The following DLC1 variants were observed in gnomAD, a reference collection of about 807,000 sequenced individuals.
DLC1 encodes the protein DLC1 Rho GTPase activating protein, also known as rho GTPase-activating protein 7.
In DLC1, 54 loss-of-function variants were observed where a neutral mutation model predicts 140.3. The observed-to-expected ratio is 0.38, with a 90% confidence interval of 0.31 to 0.48. The LOEUF (loss-of-function observed/expected upper bound fraction) is 0.48. Among genes scored for constraint, DLC1 ranks in the 20% least tolerant of loss-of-function variants. The pLI is 0.96. For synonymous variants in DLC1, 986 were observed against 728.1 expected, an observed-to-expected ratio of 1.35 and a Z score of -5.70; for missense variants, 2,536 against 1,907.0, an observed-to-expected ratio of 1.33 and a Z score of -6.14.
At chr8:13,105,700 C>T (rs1454142437) in intron 7 of DLC1, among the ~76,000 whole-genome samples, 3 of 151,718 alleles carry the variant, frequency 2.0e-5, no homozygotes, top group Non-Finnish European at 2.9e-5. Context: ...GCCTCAGCCT[C>T]CTGAGCAGCT....
intron 2 of DLC1, among the ~76,000 whole-genome samples, chr8:13,471,995 G>T (rs1224319184): frequency 6.6e-6 from 1 of 152,194 alleles, no homozygotes; most frequent in African/African-American, 2.4e-5. Flanking sequence ...ATTGAGGCCT[G>T]TGCAAAACCT....
intron 1 of DLC1, among the ~76,000 whole-genome samples, chr8:13,599,914 A>C (rs1266587798): frequency 1.3e-5 from 2 of 152,010 alleles, no homozygotes; most frequent in Non-Finnish European, 2.9e-5. Context: ...TATATGTATC[A>C]GTCTGTATGA....
chr8:13,546,055 C>T (rs1193632057), intron 1 of DLC1, among the ~76,000 whole-genome samples: 1 of 152,068 alleles, frequency 6.6e-6, no homozygotes, highest in Admixed American at 6.6e-5. Context: ...AGAAAACAAT[C>T]TTTTATGCCG....
In DLC1 at chr8:13,489,449, A is replaced by ACACACACAC. The variant is rs56002951; in HGVS notation, c.1023+9599_1023+9600insGTGTGTGTG. Among the ~76,000 whole-genome samples, 165 of 149,972 alleles carry ACACACACAC rather than the reference A, an allele frequency of 1.1e-3. 1 individual carries two copies. Among genetic ancestry groups the ACACACACAC allele is most frequent in the South Asian group, 4.5e-3 (21 of 4,666 alleles). ...CACACACACACACACACACACACAC[A>ACACACACAC]AAATGTTGCTACTATTAAGAATAGC... On this transcript the variant is annotated intron_variant, in intron 2 of 17. Transcript: ENST00000276297.
At chr8:13,371,258 T>C (rs1429827355) in intron 4 of DLC1, among the ~76,000 whole-genome samples, 1 of 152,178 alleles carries the variant, frequency 6.6e-6, no homozygotes, top group Admixed American at 6.5e-5. Context: ...GCGTCATCAT[T>C]TTGTCCCTGG....
intron 4 of DLC1, among the ~76,000 whole-genome samples, chr8:13,356,363 C>G (rs1471200891): frequency 6.6e-6 from 1 of 152,156 alleles, no homozygotes; most frequent in Admixed American, 6.5e-5. Flanking sequence ...AAGTTGTCCA[C>G]ATTCCTCAGA....
intron 5 of DLC1, among the ~76,000 whole-genome samples, chr8:13,278,450 C>A (rs150847341): frequency 6.6e-6 from 1 of 152,060 alleles, no homozygotes; most frequent in South Asian, 2.1e-4. Context: ...TTTAGGCCTG[C>A]GGAACTTTAG....
At chr8:13,545,325 A>C (rs1322857600) in intron 1 of DLC1, among the ~76,000 whole-genome samples, 2 of 150,374 alleles carry the variant, frequency 1.3e-5, no homozygotes, top group Non-Finnish European at 3.0e-5. Context: ...TACTATATAT[A>C]TATATACTTT....
intron 5 of DLC1, among the ~76,000 whole-genome samples, chr8:13,151,003 T>C (rs190301982): frequency 1.2e-4 from 19 of 152,316 alleles, no homozygotes; most frequent in Admixed American, 9.1e-4. Context: ...AAGAGATGTC[T>C]ACAGATGGAA....
rs555381494 is a variant in DLC1, at chr8:13,593,086, A to C, written c.-126+11451T>G. ...AGCAAGGCTGTTCAAATTTCTTCTG[A>C]AGTTACACTGCAGTACTCCTCACCT... On this transcript the variant is annotated intron_variant, in intron 1 of 1. Coordinates refer to the DLC1 transcript ENST00000631382. Among the ~76,000 whole-genome samples, 8 of 152,210 alleles carry C rather than the reference A, an allele frequency of 5.3e-5. No homozygotes were observed. The East Asian group carries it at 1.6e-3, about 29-fold the overall frequency.
At chr8:13,355,041 A>T (rs1325252683) in intron 4 of DLC1, among the ~76,000 whole-genome samples, 2 of 152,036 alleles carry the variant, frequency 1.3e-5, no homozygotes, top group Non-Finnish European at 2.9e-5. Context: ...TTATTGGGAG[A>T]GTTATAGTCA....
At chr8:13,442,306 T>C (rs1158273607) in intron 2 of DLC1, among the ~76,000 whole-genome samples, 4 of 152,236 alleles carry the variant, frequency 2.6e-5, no homozygotes, top group East Asian at 1.9e-4. Flanking sequence ...AAGGACTTCA[T>C]GTCTAAAACA....
intron 4 of DLC1, among the ~76,000 whole-genome samples, chr8:13,314,058 T>C (rs915001967): frequency 1.3e-5 from 2 of 152,102 alleles, no homozygotes; most frequent in East Asian, 1.9e-4. Context: ...AACATTTATA[T>C]TCTGCACTCA....
chr8:13,532,154 C>A (rs1446306372), intron 1 of DLC1, among the ~76,000 whole-genome samples: 1 of 152,130 alleles, frequency 6.6e-6, no homozygotes, highest in Non-Finnish European at 1.5e-5. Flanking sequence ...CCTGTAATTC[C>A]AAGACTTTGG....
chr8:13,392,984 A>G (rs1431100293), intron 4 of DLC1, among the ~76,000 whole-genome samples: 1 of 152,156 alleles, frequency 6.6e-6, no homozygotes, highest in Admixed American at 6.6e-5. Context: ...TTTGATGTGG[A>G]TGTTTTATAT....
intron 4 of DLC1, among the ~76,000 whole-genome samples, chr8:13,377,701 C>T (rs1365914048): frequency 6.6e-6 from 1 of 152,116 alleles, no homozygotes; most frequent in East Asian, 1.9e-4. Context: ...AGTCATGAAA[C>T]GTCTTCTGTG....
rs570332896 is a variant in DLC1, at chr8:13,104,279, T to G, written c.1503-1426A>C. 2.5e-3 allele frequency among the ~76,000 whole-genome samples: 378 copies of G among 151,700 alleles called. 2 individuals are homozygous for G. Among genetic ancestry groups the G allele is most frequent in the African/African-American group, 8.8e-3 (363 of 41,436 alleles). On this transcript the variant is annotated intron_variant, in intron 7 of 17. Coordinates refer to ENST00000276297, the MANE Select transcript of DLC1 (RefSeq NM_182643.3). ...CTATTGTCATTTTGATACCAATACT[T>G]TCACCTCTGCCAAACAGCAATATCA...
At chr8:13,241,172 G>A (rs1829529651) in intron 5 of DLC1, among the ~76,000 whole-genome samples, 1 of 152,160 alleles carries the variant, frequency 6.6e-6, no homozygotes, top group South Asian at 2.1e-4. Context: ...AGGCCAAACT[G>A]TGGCTTCATA....
intron 5 of DLC1, among the ~76,000 whole-genome samples, chr8:13,242,636 T>C (rs1030033838): frequency 2.0e-5 from 3 of 152,110 alleles, no homozygotes; most frequent in African/African-American, 4.8e-5. Context: ...CAAGCGATTC[T>C]CCTACCTTGG....
Sources: allele counts gnomAD v4.1 joint callset (sites outside exome capture counted in the v4.1 genomes callset), GRCh38; gene constraint gnomAD v4.1.1; transcripts MANE v1.5; gene names NCBI Gene and HGNC (gene_info 2026-07-23, HGNC 2026-07-21).